The following SERPINA10 variants were observed in gnomAD, a reference collection of about 807,000 sequenced individuals.
SERPINA10 encodes the protein protein Z-dependent protease inhibitor.
A neutral mutation model predicts 28.0 loss-of-function variants in SERPINA10; 24 were observed. The observed-to-expected ratio is 0.86, with a 90% CI of 0.62 to 1.20. SERPINA10 has a LOEUF of 1.20. Ranked by LOEUF, SERPINA10 falls within the 50% of genes most tolerant of loss-of-function variation. The probability of loss-of-function intolerance (pLI) is 0.00; values close to 1 mark genes in which losing one functional copy is unlikely to be tolerated. For missense variants in SERPINA10, 521 were observed against 537.7 expected (o/e 0.97, Z 0.31); for synonymous variants, 207 against 203.9 (o/e 1.02, Z -0.13).
chr14:94,290,680 T>C, intron 1 of SERPINA10, 37 bp from the exon 2 acceptor site: 2 of 1,564,036 alleles, frequency 1.3e-6, no homozygotes, highest in South Asian at 2.3e-5. Context: ...TTTTAATGCC[T>C]CCTAAAATGT....
intron 1 of SERPINA10, chr14:94,292,594 A>G (rs767914230): frequency 1.4e-5 from 10 of 701,426 alleles, no homozygotes; most frequent in South Asian, 1.2e-4. Context: ...ACCACCTCCA[A>G]ATGCTGAGTC....
At position 94,290,166 on chromosome 14, in the gene SERPINA10, G is replaced by A; in HGVS notation, c.428C>T (p.Ser143Phe). 6.2e-7 allele frequency: 1 copy of A among 1,614,038 alleles called. No individual in the cohort carries two copies. The highest frequency in any genetic ancestry group is 1.1e-5 in the South Asian group (1 of 91,082). The change falls in exon 2 of 5, where the codon TCC becomes TTC. Residue 143 changes from serine (S) to phenylalanine (F), a missense_variant. Transcript: ENST00000261994. The stretch of plus-strand genomic sequence containing the variant: ...GGTCTCTCTGAGTCCCTTAAAGAGG[G>A]AAGGCAGGAGCCCGGGCTTGGTGGG... Reference protein sequence around the residue: ...LKPTKPGLLPSLFKGLRETLS... With the variant: ...LKPTKPGLLPFLFKGLRETLS...
At chr14:94,289,310 C>T (rs1396323683) in intron 2 of SERPINA10, among the ~76,000 whole-genome samples, 1 of 152,252 alleles carries the variant, frequency 6.6e-6, no homozygotes, top group Non-Finnish European at 1.5e-5. Flanking sequence ...TGACCTTGAT[C>T]AAGCTAACGT....
intron 1 of SERPINA10, chr14:94,292,748 A>G: frequency 2.9e-6 from 2 of 696,864 alleles, no homozygotes; most frequent in Non-Finnish European, 5.2e-6. Flanking sequence ...CCAGGAGCTC[A>G]GGGGGTGCTC....
intron 4 of SERPINA10, 89 bp from the exon 5 acceptor site, chr14:94,284,245 C>T: frequency 8.5e-7 from 1 of 1,173,708 alleles, no homozygotes; most frequent in Non-Finnish European, 1.2e-6. Context: ...CACAGTGGTC[C>T]TACCCATGGG....
chr14:94,292,002 ACT>A (rs1357746821), intron 1 of SERPINA10, among the ~76,000 whole-genome samples: 1 of 151,946 alleles, frequency 6.6e-6, no homozygotes, highest in Non-Finnish European at 1.5e-5. Context: ...GCTCTTTTTG[ACT>A]CTAAATGGCA....
chr14:94,281,997 T>G lies in SERPINA10; in HGVS notation c.*1968A>C, dbSNP rs1894911789. The G allele has an allele frequency of 6.6e-6, 1 of 152,584 alleles. No individual in the cohort carries two copies. The allele number at this position is 152,584 out of a possible 1,614,324, so 9.5% of individuals were successfully genotyped here. A position where few individuals can be genotyped will look rare whatever the true frequency, so the allele number is the denominator to read the frequency against. On this transcript the variant is annotated 3_prime_UTR_variant, in exon 5 of 5. Coordinates refer to ENST00000261994, the MANE Select transcript of SERPINA10 (RefSeq NM_001100607.3). Reference sequence around the variant, plus strand: ...CTAATTGAACACAAACAAGGTGACTTAAGAATGTCAGATAGAGTTAGTCCT... The same window carrying G: ...CTAATTGAACACAAACAAGGTGACTGAAGAATGTCAGATAGAGTTAGTCCT...
In SERPINA10 at chr14:94,288,079, C is replaced by T. The variant is rs75709084; in HGVS notation, c.992+207G>A. Among the ~76,000 whole-genome samples, 1,307 of 152,308 alleles carry T rather than the reference C, an allele frequency of 8.6e-3. 24 individuals carry two copies. Among genetic ancestry groups the T allele is most frequent in the African/African-American group, 0.029 (1,219 of 41,564 alleles). On this transcript the variant is annotated intron_variant, in intron 3 of 4. Transcript: ENST00000261994. ...TATCACAGTCGCAGAACGTAAAATA[C>T]TGATGGACTCAATGAATGAATCAGC...
At chr14:94,287,868 T>C (rs915495656) in intron 3 of SERPINA10, among the ~76,000 whole-genome samples, 2 of 152,244 alleles carry the variant, frequency 1.3e-5, no homozygotes, top group African/African-American at 2.4e-5. Context: ...GTTTGCTTAC[T>C]GTTACCTTCT....
rs1289117657 is a variant in SERPINA10, at chr14:94,283,804, C to G, written c.*161G>C. ...GCTGGGGGTCTTTGAATGTATCCCC[C>G]TCAGATAAGTGGGGACTACTGTATT... On this transcript the variant is annotated 3_prime_UTR_variant, in exon 5 of 5. Coordinates refer to ENST00000261994, the MANE Select transcript of SERPINA10 (RefSeq NM_001100607.3). 1.0e-5 allele frequency: 7 copies of G among 694,406 alleles called. No individual in the cohort carries two copies. In the East Asian group the frequency reaches 1.3e-4, roughly 13 times the overall value. The allele number at this position is 694,406 out of a possible 1,614,324, so 43.0% of individuals were successfully genotyped here.
At position 94,283,766 on chromosome 14, in the gene SERPINA10, G is replaced by A. The variant is rs374745493; in HGVS notation, c.*199C>T. 458 of 617,380 alleles carry A rather than the reference G, an allele frequency of 7.4e-4. 7 individuals are homozygous for A. The South Asian group carries it at 7.6e-3, about 10-fold the overall frequency. The allele number at this position is 617,380 out of a possible 1,614,324, so 38.2% of individuals were successfully genotyped here. ...TATATAAGGTTCAGCACTGTCCACC[G>A]TTTCAGGCATCTGCTGGGGGTCTTT... On this transcript the variant is annotated 3_prime_UTR_variant, in exon 5 of 5. Transcript: ENST00000261994.
chr14:94,286,411 T>A (rs1483985461), intron 3 of SERPINA10, among the ~76,000 whole-genome samples, 153 bp from the exon 4 acceptor site: 1 of 152,230 alleles, frequency 6.6e-6, no homozygotes, highest in African/African-American at 2.4e-5. Flanking sequence ...AGTGGTCTAC[T>A]CAGGGAAAAT....
At chr14:94,293,014 C>T (rs1566721640) in intron 1 of SERPINA10, 175 bp downstream of exon 1, 1 of 306,552 alleles carries the variant, frequency 3.3e-6, no homozygotes, top group African/African-American at 2.1e-5. Context: ...TCGCCTCTTA[C>T]CCCACTCCAG....
rs1165054922 is a variant in SERPINA10 at position 94,288,614 on chromosome 14, T to C, written c.719-55A>G. On this transcript the variant is annotated intron_variant, in intron 2 of 4. Transcript: ENST00000261994. ...GAAATTCCCTCTTTGAAAAGCATTG[T>C]TCTTGCTCAAATAATAGAGAGGGAG... The C allele has an allele frequency of 1.9e-6, 3 of 1,607,066 alleles. No individual in the cohort carries two copies. In the African/African-American group the frequency reaches 4.0e-5, roughly 21 times the overall value.
Position 94,286,103 on chromosome 14 carries a change from C to A in SERPINA10, c.1143+5G>T. 1 of 1,614,152 alleles carries A rather than the reference C, an allele frequency of 6.2e-7. No homozygotes were observed. Among genetic ancestry groups the A allele is most frequent in the Non-Finnish European group, 8.5e-7 (1 of 1,180,004 alleles). The stretch of plus-strand genomic sequence containing the variant: ...GTTGGGCTCTGATGAAAGATCCTGA[C>A]TTACCCTGGATACTTGGAGATTTCT... On this transcript the variant is annotated splice_donor_5th_base_variant and intron_variant, in intron 4 of 4. Transcript: ENST00000261994.
At chr14:94,286,494 C>T (rs1185459824) in intron 3 of SERPINA10, among the ~76,000 whole-genome samples, 1 of 152,182 alleles carries the variant, frequency 6.6e-6, no homozygotes, top group East Asian at 1.9e-4. Context: ...CTCACGTTTT[C>T]TTTAGCAAAG....
intron 1 of SERPINA10, 174 bp downstream of exon 1, chr14:94,293,015 C>T (rs754459691): frequency 2.0e-5 from 6 of 304,246 alleles, no homozygotes; most frequent in Admixed American, 3.8e-5. Flanking sequence ...CGCCTCTTAC[C>T]CCACTCCAGC....
intron 3 of SERPINA10, 88 bp downstream of exon 3, chr14:94,288,198 T>G (rs1343375624): frequency 1.3e-6 from 2 of 1,568,628 alleles, no homozygotes; most frequent in East Asian, 4.5e-5. Context: ...GAGGAGACAT[T>G]AAATCACGGT....
chr14:94,288,225 T>C, intron 3 of SERPINA10, 61 bp downstream of exon 3: 2 of 1,602,688 alleles, frequency 1.2e-6, no homozygotes, highest in Non-Finnish European at 1.7e-6. Flanking sequence ...AATGAAATTG[T>C]GCTGAGCGTT....
Sources: allele counts gnomAD v4.1 joint callset (sites outside exome capture counted in the v4.1 genomes callset), GRCh38; gene constraint gnomAD v4.1.1; transcripts MANE v1.5; gene names NCBI Gene and HGNC (gene_info 2026-07-23, HGNC 2026-07-21).